CIP2A: variants seen among roughly 807,000 people sequenced by gnomAD.
CIP2A encodes protein CIP2A.
CIP2A carries 103 observed loss-of-function variants against 110.9 expected under a neutral mutation model. The observed-to-expected ratio is 0.93, with a 90% CI of 0.79 to 1.09. CIP2A has a LOEUF of 1.09. CIP2A is among the 50% of genes least tolerant of loss of function. CIP2A has a pLI of 0.00. For missense variants in CIP2A, 1,088 were observed against 1,038.4 expected (o/e 1.05, Z -0.66); for synonymous variants, 381 against 361.6 (o/e 1.05, Z -0.61).
intron 13 of CIP2A, among the ~76,000 whole-genome samples, 157 bp downstream of exon 13, chr3:108,562,969 A>G (rs1016542808): frequency 1.3e-5 from 2 of 152,142 alleles, no homozygotes; most frequent in African/African-American, 4.8e-5. Flanking sequence ...CTTTTCATTT[A>G]TAAGAATCAA....
At chr3:108,587,362 G>A (rs1156477509) in intron 1 of CIP2A, among the ~76,000 whole-genome samples, 2 of 151,928 alleles carry the variant, frequency 1.3e-5, no homozygotes, top group African/African-American at 4.8e-5. Context: ...ATGAAGTAGC[G>A]GTACATGTGC....
At chr3:108,581,660 C>A in intron 4 of CIP2A, 149 bp from the exon 5 acceptor site, 1 of 588,336 alleles carries the variant, frequency 1.7e-6, no homozygotes, top group Non-Finnish European at 3.0e-6. Context: ...ACATAAGAAG[C>A]CAGGGAAGCT....
chr3:108,567,714 G>T (rs1275012666), intron 10 of CIP2A, among the ~76,000 whole-genome samples: 1 of 151,768 alleles, frequency 6.6e-6, no homozygotes, highest in Non-Finnish European at 1.5e-5. Flanking sequence ...TAAAACAACT[G>T]AGCTAAAATC....
At chr3:108,552,447 C>T (rs1937618178) in intron 19 of CIP2A, 74 bp from the exon 20 acceptor site, 2 of 868,454 alleles carry the variant, frequency 2.3e-6, no homozygotes, top group Non-Finnish European at 3.3e-6. Context: ...CTAGTAGCTA[C>T]TGTAAGAGCA....
chr3:108,560,666 G>A lies in CIP2A; in HGVS notation c.1810C>T (p.Leu604Phe), dbSNP rs888551334. The A allele has an allele frequency of 6.2e-7, 1 of 1,606,102 alleles. No homozygotes were observed. Reference protein sequence around the residue: ...GLNIEELIEKLQSGMVVKDQI... With the variant: ...GLNIEELIEKFQSGMVVKDQI... ...TCACTCACCACCATTCCAGACTGAA[G>A]TTTCTCTATTAATTCTTCAATATTC... The change falls in exon 14 of 21, where the codon CTT becomes TTT. Residue 604 changes from leucine to phenylalanine, a missense_variant. By Grantham distance (22) the Leu-to-Phe change is conservative. Coordinates refer to ENST00000295746, the MANE Select transcript of CIP2A (RefSeq NM_020890.3).
At chr3:108,588,329 T>G (rs1331482983) in intron 1 of CIP2A, among the ~76,000 whole-genome samples, 1 of 146,758 alleles carries the variant, frequency 6.8e-6, no homozygotes, top group East Asian at 1.9e-4. Flanking sequence ...AGATGGGCAC[T>G]TGAAGTAGGG....
rs1938064378 is a variant in CIP2A, at chr3:108,563,158, C to T, written c.1602G>A (p.Glu534=). ...CAGGAAAATCTGGCAGTGGAGCAGCCTCCAATAATATTCTCAGTCCAGACT... is the reference window on the plus strand; with the variant it reads ...CAGGAAAATCTGGCAGTGGAGCAGCTTCCAATAATATTCTCAGTCCAGACT... ...QVQSGLRILL[E]AAPLPDFPAL... Residue 534 remains glutamate (E), a synonymous_variant, in exon 13 of 21, where the codon GAG becomes GAA. Coordinates refer to ENST00000295746, the MANE Select transcript of CIP2A (RefSeq NM_020890.3). The T allele has an allele frequency of 3.1e-6, 5 of 1,612,420 alleles. No homozygotes were observed. The highest frequency in any genetic ancestry group is 4.2e-6 in the Non-Finnish European group (5 of 1,178,764).
In CIP2A at chr3:108,582,140, T is replaced by G; in HGVS notation, c.420A>C (p.Ile140=). 3.3e-6 allele frequency: 5 copies of G among 1,507,276 alleles called. No individual in the cohort carries two copies. The highest frequency in any genetic ancestry group is 4.6e-6 in the Non-Finnish European group (5 of 1,096,310). The allele number at this position is 1,507,276 out of a possible 1,614,324, so 93.4% of individuals were successfully genotyped here. ...CTATCAGGAACGTAATTAATTCATC[T>G]ATATTGGCACCAGAATAGAAAATTT... ...NVKIFYSGAN[I]DELITFLIDH... is the part of the protein sequence containing the mutation. Residue 140 remains isoleucine (I), a synonymous_variant, in exon 4 of 21, where the codon ATA becomes ATC. Coordinates refer to ENST00000295746, the MANE Select transcript of CIP2A (RefSeq NM_020890.3).
At chr3:108,567,843 C>G (rs72943543) in intron 10 of CIP2A, among the ~76,000 whole-genome samples, 1 of 151,696 alleles carries the variant, frequency 6.6e-6, no homozygotes, top group Non-Finnish European at 1.5e-5. Flanking sequence ...CATGGAGTAA[C>G]AGAATAGTCA....
At chr3:108,573,091 T>G (rs1418081281) in intron 8 of CIP2A, among the ~76,000 whole-genome samples, 1 of 152,062 alleles carries the variant, frequency 6.6e-6, no homozygotes, top group African/African-American at 2.4e-5. Flanking sequence ...ATGTGGGAAA[T>G]TATATTAATT....
intron 1 of CIP2A, among the ~76,000 whole-genome samples, chr3:108,588,936 T>C (rs545879313): frequency 3.6e-4 from 55 of 152,242 alleles, no homozygotes; most frequent in African/African-American, 1.2e-3. Context: ...CTGAGAATAG[T>C]TGTGTATTGA....
intron 1 of CIP2A, among the ~76,000 whole-genome samples, chr3:108,587,140 C>T (rs576688730): frequency 2.3e-4 from 35 of 152,146 alleles, no homozygotes; most frequent in African/African-American, 8.2e-4. Flanking sequence ...TCAACTAAAA[C>T]GGAACATATA....
At chr3:108,586,873 TA>T (rs1370362289) in intron 1 of CIP2A, among the ~76,000 whole-genome samples, 1 of 152,212 alleles carries the variant, frequency 6.6e-6, no homozygotes, top group African/African-American at 2.4e-5. Flanking sequence ...CATGGGGCTA[TA>T]AAAGTGTGGG....
intron 17 of CIP2A, among the ~76,000 whole-genome samples, chr3:108,556,200 C>T (rs886915568): frequency 6.6e-6 from 1 of 152,126 alleles, no homozygotes; most frequent in Non-Finnish European, 1.5e-5. Context: ...TCATTTCTCA[C>T]CCTTCATTAT....
intron 17 of CIP2A, among the ~76,000 whole-genome samples, chr3:108,555,346 T>A (rs1937757911): frequency 6.6e-6 from 1 of 152,154 alleles, no homozygotes; most frequent in Non-Finnish European, 1.5e-5. Context: ...CAAGGGAAAT[T>A]CCAGGGACCT....
At chr3:108,582,880 T>A in intron 3 of CIP2A, 97 bp downstream of exon 3, 2 of 532,066 alleles carry the variant, frequency 3.8e-6, no homozygotes, top group Non-Finnish European at 6.5e-6. Flanking sequence ...ATTTATTATA[T>A]AGCATATATA....
intron 5 of CIP2A, among the ~76,000 whole-genome samples, chr3:108,579,932 C>T (rs1163481291): frequency 6.6e-6 from 1 of 152,030 alleles, no homozygotes; most frequent in Admixed American, 6.6e-5. Context: ...TGCGTGCAAA[C>T]GAGTTGGAGA....
At chr3:108,580,735 T>TC (rs1477959454) in intron 5 of CIP2A, among the ~76,000 whole-genome samples, 2 of 151,908 alleles carry the variant, frequency 1.3e-5, no homozygotes, top group African/African-American at 2.4e-5. Flanking sequence ...TTCAAGCAAT[T>TC]CCCCTGCCTC....
rs746526504 is a variant in CIP2A at position 108,582,109 on chromosome 3, T to C, written c.451A>G (p.Ile151Val). The C allele has an allele frequency of 7.3e-7, 1 of 1,375,224 alleles. No individual in the cohort carries two copies. Among genetic ancestry groups the C allele is most frequent in the Non-Finnish European group, 1.0e-6 (1 of 987,440 alleles). The allele number at this position is 1,375,224 out of a possible 1,614,324, so 85.2% of individuals were successfully genotyped here. The change falls in exon 4 of 21, where the codon ATT becomes GTT. Residue 151 changes from isoleucine (I) to valine (V), a missense_variant and splice_region_variant. Physicochemically the swap from Ile to Val is conservative, Grantham distance 29 (BLOSUM62 3). Coordinates refer to ENST00000295746, the MANE Select transcript of CIP2A (RefSeq NM_020890.3). Reference protein sequence around the residue: ...DELITFLIDHIQSSEDELKMP... With the variant: ...DELITFLIDHVQSSEDELKMP... ...TTTTATGTTTGATTGCATACTCACA[T>C]GTGATCTATCAGGAACGTAATTAAT...
Sources: gnomAD v4.1 joint callset for allele counts (sites outside exome capture counted in the v4.1 genomes callset) on GRCh38, gnomAD v4.1.1 for gene constraint, MANE v1.5 for transcripts, NCBI Gene and HGNC (gene_info 2026-07-23, HGNC 2026-07-21) for gene names.